UGT1A7: variants seen among roughly 807,000 people sequenced by gnomAD.
UGT1A7 encodes UDP glucuronosyltransferase family 1 member A7.
Under a neutral mutation model 45.6 loss-of-function variants are expected in UGT1A7, and 33 were observed. That is an observed-to-expected ratio of 0.72 (90% CI 0.55 to 0.97). The LOEUF (loss-of-function observed/expected upper bound fraction) is 0.97. Among genes scored for constraint, UGT1A7 ranks in the 50% least tolerant of loss-of-function variants. The pLI, the probability that UGT1A7 is intolerant of heterozygous loss-of-function variation, is 0.00. For missense variants in UGT1A7, 684 were observed against 666.2 expected (o/e 1.03, Z -0.29); for synonymous variants, 274 against 250.6 (o/e 1.09, Z -0.88).
rs1214292912 is a variant in UGT1A7 at position 233,682,452 on chromosome 2, T to C, written c.515T>C (p.Ile172Thr). ...SLPSVVFARG[I>T]FCHYLEEGAQ... is the part of the protein sequence containing the mutation. The stretch of plus-strand genomic sequence containing the variant: ...CCCTCTGTGGTCTTCGCCAGGGGAA[T>C]ATTTTGCCACTATCTTGAAGAAGGT... The change falls in exon 1 of 5, where the codon ATA (isoleucine) becomes ACA (threonine). Residue 172 changes from isoleucine (I) to threonine (T), a missense_variant. Ile to Thr is a moderately conservative substitution (Grantham distance 89). Coordinates refer to ENST00000373426, the MANE Select transcript of UGT1A7 (RefSeq NM_019077.3). 1.2e-6 allele frequency: 2 copies of C among 1,613,934 alleles called. No homozygotes were observed. The highest frequency in any genetic ancestry group is 1.7e-6 in the Non-Finnish European group (2 of 1,179,866).
chr2:233,750,369 G>A (rs1694438903), intron 1 of UGT1A7, among the ~76,000 whole-genome samples: 1 of 151,932 alleles, frequency 6.6e-6, no homozygotes, highest in African/African-American at 2.4e-5. Flanking sequence ...TAAAAGGGAA[G>A]CAGAGCATAA....
intron 1 of UGT1A7, among the ~76,000 whole-genome samples, chr2:233,730,937 T>C (rs2125759444): frequency 6.6e-6 from 1 of 152,268 alleles, no homozygotes; most frequent in Admixed American, 6.5e-5. Flanking sequence ...TAATCCAGAA[T>C]ATTTGGGTTT....
intron 1 of UGT1A7, among the ~76,000 whole-genome samples, chr2:233,716,039 C>T (rs1263753435): frequency 6.6e-6 from 1 of 152,186 alleles, no homozygotes; most frequent in Non-Finnish European, 1.5e-5. Context: ...TGTCAGCATT[C>T]TGATTCTGTC....
intron 1 of UGT1A7, among the ~76,000 whole-genome samples, chr2:233,745,740 G>A (rs1693195294): frequency 6.6e-6 from 1 of 150,538 alleles, no homozygotes; most frequent in Admixed American, 6.6e-5. Context: ...GGCAGAGGGA[G>A]GGGGCAAGCA....
chr2:233,755,346 G>A (rs1313684064), intron 1 of UGT1A7: 3 of 411,522 alleles, frequency 7.3e-6, no homozygotes, highest in African/African-American at 6.3e-5. Context: ...CAGGTCAGAG[G>A]CTTGGCGACC....
At chr2:233,747,242 T>C (rs985835805) in intron 1 of UGT1A7, 31 of 1,603,322 alleles carry the variant, frequency 1.9e-5, no homozygotes, top group African/African-American at 5.4e-5. Flanking sequence ...GTTCCCCTGC[T>C]GTGGCTGGCC....
At position 233,739,969 on chromosome 2, in the gene UGT1A7, C is replaced by T. The variant is rs1048693209; in HGVS notation, c.856-27065C>T. Among the ~76,000 whole-genome samples, 3 of 151,864 alleles carry T rather than the reference C, an allele frequency of 2.0e-5. No homozygotes were observed. In the East Asian group the frequency reaches 5.8e-4, roughly 29 times the overall value. ...CTGGTGGGAGCTGATTGAATCATAT[C>T]GGCAGTTTTCCCCATGCTGTTCTTG... On this transcript the variant is annotated intron_variant, in intron 1 of 4. Coordinates refer to ENST00000373426, the MANE Select transcript of UGT1A7 (RefSeq NM_019077.3).
intron 1 of UGT1A7, among the ~76,000 whole-genome samples, chr2:233,695,276 C>T (rs1302622069): frequency 1.3e-5 from 2 of 151,994 alleles, no homozygotes; most frequent in Admixed American, 1.3e-4. Context: ...TAGGCATGTG[C>T]CACCATTCCC....
At chr2:233,753,670 G>T (rs1438239507) in intron 1 of UGT1A7, 3 of 152,198 alleles carry the variant, frequency 2.0e-5, no homozygotes, top group Admixed American at 6.5e-5. Flanking sequence ...TGTGTATGGT[G>T]CCTCACCCAA....
At chr2:233,735,191 G>T (rs1286482210) in intron 1 of UGT1A7, among the ~76,000 whole-genome samples, 1 of 150,050 alleles carries the variant, frequency 6.7e-6, no homozygotes, top group African/African-American at 2.5e-5. Flanking sequence ...TATGAATCTA[G>T]GTGCTCCTGT....
At chr2:233,729,079 C>G (rs372945950) in intron 1 of UGT1A7, 1,314 of 1,611,886 alleles carry the variant, frequency 8.2e-4, no homozygotes, top group Non-Finnish European at 1.1e-3. Flanking sequence ...GCAAATGTAG[C>G]AGGCACAGCG....
intron 1 of UGT1A7, among the ~76,000 whole-genome samples, chr2:233,745,590 G>A (rs565744032): frequency 1.3e-5 from 2 of 151,664 alleles, no homozygotes; most frequent in Admixed American, 6.5e-5. Context: ...CCTGAGACCC[G>A]GACTTGGCAC....
At chr2:233,736,386 G>A (rs2078758058) in intron 1 of UGT1A7, among the ~76,000 whole-genome samples, 1 of 152,142 alleles carries the variant, frequency 6.6e-6, no homozygotes, top group South Asian at 2.1e-4. Context: ...CTTCTCTACA[G>A]TGTTTATTCT....
At chr2:233,763,469 A>G (rs1698318094) in intron 1 of UGT1A7, among the ~76,000 whole-genome samples, 1 of 152,180 alleles carries the variant, frequency 6.6e-6, no homozygotes, top group South Asian at 2.1e-4. Flanking sequence ...CTAACAATTA[A>G]TAGATTTGAT....
At chr2:233,719,152 C>A in intron 1 of UGT1A7, 1 of 1,614,260 alleles carries the variant, frequency 6.2e-7, no homozygotes. Flanking sequence ...AAGAGATATT[C>A]TAGAAGTATG....
chr2:233,712,902 G>C (rs1351189678), intron 1 of UGT1A7: 2 of 1,609,384 alleles, frequency 1.2e-6, no homozygotes, highest in East Asian at 2.2e-5. Context: ...TTTGCTAGGT[G>C]TCTCAGTGAC....
At chr2:233,749,482 T>C (rs1349900601) in intron 1 of UGT1A7, among the ~76,000 whole-genome samples, 2 of 151,916 alleles carry the variant, frequency 1.3e-5, no homozygotes, top group Non-Finnish European at 2.9e-5. Flanking sequence ...CAGATCACTC[T>C]TGCTATGCCC....
chr2:233,761,456 C>A (rs938437013), intron 1 of UGT1A7, among the ~76,000 whole-genome samples: 1 of 152,214 alleles, frequency 6.6e-6, no homozygotes, highest in African/African-American at 2.4e-5. Context: ...GGGTTTGGGG[C>A]ACCCTGCAGA....
intron 1 of UGT1A7, chr2:233,760,208 A>C: frequency 6.3e-7 from 1 of 1,589,248 alleles, no homozygotes; most frequent in African/African-American, 1.4e-5. Context: ...TCAAACATTA[A>C]CTTGGTGTAT....
Sources: allele counts gnomAD v4.1 joint callset (sites outside exome capture counted in the v4.1 genomes callset), GRCh38; gene constraint gnomAD v4.1.1; transcripts MANE v1.5; gene names NCBI Gene and HGNC (gene_info 2026-07-23, HGNC 2026-07-21).